The following UBE2D1 variants were observed in gnomAD, a reference collection of about 807,000 sequenced individuals.
The protein encoded by UBE2D1 is ubiquitin conjugating enzyme E2 D1.
UBE2D1 carries 9 observed loss-of-function variants against 24.6 expected under a neutral mutation model. That is an observed-to-expected ratio of 0.37 (90% confidence interval 0.22 to 0.64). UBE2D1 has a LOEUF of 0.64. UBE2D1 is among the 30% of genes least tolerant of loss of function. UBE2D1 has a pLI of 0.64. For missense variants in UBE2D1, 87 were observed against 177.1 expected (o/e 0.49, Z 2.89); for synonymous variants, 57 against 57.6 (o/e 0.99, Z 0.04).
chr10:58,368,026 T>G lies in UBE2D1; in HGVS notation c.398+10T>G. ...AATCAGACAAAGAAAAGTAAGTGTT[T>G]ACTTATTTTAGTTTCTGTATGGATA... On this transcript the variant is annotated intron_variant, in intron 6 of 6. Coordinates refer to ENST00000373910, the MANE Select transcript of UBE2D1 (RefSeq NM_003338.5). 1 of 1,588,908 alleles carries G rather than the reference T, an allele frequency of 6.3e-7. No individual in the cohort carries two copies. Among genetic ancestry groups the G allele is most frequent in the East Asian group, 2.2e-5 (1 of 44,562 alleles).
At chr10:58,354,043 G>A (rs1589000325) in intron 1 of UBE2D1, among the ~76,000 whole-genome samples, 1 of 139,536 alleles carries the variant, frequency 7.2e-6, no homozygotes, top group Non-Finnish European at 1.7e-5. Context: ...AGGAACAGAT[G>A]GGGGAAAGTT....
In UBE2D1 at chr10:58,363,598, T is replaced by C. The variant is rs1429277306; in HGVS notation, c.121-11T>C. ...TAATCAAATGCTGATGCAAATCTTT[T>C]GTAATTTCAGCCTGATAGCGCATAT... On this transcript the variant is annotated splice_polypyrimidine_tract_variant and intron_variant, in intron 3 of 6. Coordinates refer to ENST00000373910, the MANE Select transcript of UBE2D1 (RefSeq NM_003338.5). 6.3e-7 allele frequency: 1 copy of C among 1,592,578 alleles called. No homozygotes were observed. Among genetic ancestry groups the C allele is most frequent in the Admixed American group, 1.8e-5 (1 of 56,412 alleles).
intron 1 of UBE2D1, among the ~76,000 whole-genome samples, chr10:58,337,715 A>G (rs1011060339): frequency 1.3e-5 from 2 of 152,128 alleles, no homozygotes; most frequent in Non-Finnish European, 2.9e-5. Flanking sequence ...CATCACTTCT[A>G]TAAATGGAGA....
chr10:58,335,725 C>G (rs1442524036), intron 1 of UBE2D1, among the ~76,000 whole-genome samples: 1 of 152,258 alleles, frequency 6.6e-6, no homozygotes, highest in Non-Finnish European at 1.5e-5. Context: ...TTTCTCTCCT[C>G]TGCGGTTGGC....
intron 1 of UBE2D1, among the ~76,000 whole-genome samples, chr10:58,353,761 A>AT (rs927090452): frequency 1.3e-5 from 2 of 152,240 alleles, no homozygotes; most frequent in Admixed American, 6.5e-5. Flanking sequence ...GACCTGCACT[A>AT]TTCTAACACC....
At chr10:58,367,245 C>T (rs942230265) in intron 5 of UBE2D1, among the ~76,000 whole-genome samples, 1 of 151,950 alleles carries the variant, frequency 6.6e-6, no homozygotes, top group Non-Finnish European at 1.5e-5. Flanking sequence ...GCAATTGAAG[C>T]AGACAAATGA....
intron 1 of UBE2D1, 55 bp downstream of exon 1, chr10:58,335,280 G>T: frequency 1.4e-6 from 2 of 1,479,518 alleles, no homozygotes; most frequent in South Asian, 2.6e-5. Flanking sequence ...TGCCCACGCT[G>T]ACTCGGCCAG....
intron 1 of UBE2D1, among the ~76,000 whole-genome samples, chr10:58,349,146 T>C (rs1024845665): frequency 6.6e-6 from 1 of 152,238 alleles, no homozygotes; most frequent in African/African-American, 2.4e-5. Context: ...GGCTTTATTG[T>C]AAGTGCTTTT....
chr10:58,345,166 A>G (rs375632537), intron 1 of UBE2D1, among the ~76,000 whole-genome samples: 4 of 151,666 alleles, frequency 2.6e-5, no homozygotes, highest in African/African-American at 9.7e-5. Context: ...TGCCCAGCCT[A>G]TGTAATAGAT....
intron 1 of UBE2D1, among the ~76,000 whole-genome samples, chr10:58,345,697 G>A (rs547803136): frequency 6.2e-4 from 94 of 152,256 alleles, no homozygotes; most frequent in African/African-American, 2.1e-3. Context: ...GATGGGAGAG[G>A]CCAAATTTAT....
At chr10:58,346,876 A>C (rs923332440) in intron 1 of UBE2D1, among the ~76,000 whole-genome samples, 18 of 152,240 alleles carry the variant, frequency 1.2e-4, no homozygotes, top group African/African-American at 4.3e-4. Flanking sequence ...TCTAAGCTAC[A>C]GTGTTAGCAG....
chr10:58,342,303 A>G (rs1839969288), intron 1 of UBE2D1, among the ~76,000 whole-genome samples: 1 of 151,910 alleles, frequency 6.6e-6, no homozygotes, highest in Non-Finnish European at 1.5e-5. Context: ...TGTATGGCTC[A>G]TCTCTTTTAG....
chr10:58,367,490 A>G (rs189158208), intron 5 of UBE2D1, among the ~76,000 whole-genome samples: 10 of 152,274 alleles, frequency 6.6e-5, no homozygotes, highest in African/African-American at 1.9e-4. Context: ...ATTGAAAAAA[A>G]TTTTACAAAT....
chr10:58,362,050 C>T (rs1000238981), intron 3 of UBE2D1, among the ~76,000 whole-genome samples: 1 of 152,142 alleles, frequency 6.6e-6, no homozygotes, highest in Admixed American at 6.5e-5. Flanking sequence ...TTGTCCTAAA[C>T]ACAAAATTAT....
chr10:58,349,624 T>G lies in UBE2D1; in HGVS notation c.25-11714T>G, dbSNP rs186836207. 1.3e-3 allele frequency among the ~76,000 whole-genome samples: 205 copies of G among 152,332 alleles called. 1 individual carries two copies. Among genetic ancestry groups the G allele is most frequent in the African/African-American group, 4.7e-3 (194 of 41,588 alleles). On this transcript the variant is annotated intron_variant, in intron 1 of 6. Coordinates refer to ENST00000373910, the MANE Select transcript of UBE2D1 (RefSeq NM_003338.5). The stretch of plus-strand genomic sequence containing the variant: ...CCTTGCCCTTTTTTTTATGTTATCA[T>G]TATGTTATTCGTTGTGGCAAAATAC...
At chr10:58,351,458 C>T (rs538168578) in intron 1 of UBE2D1, among the ~76,000 whole-genome samples, 2 of 152,222 alleles carry the variant, frequency 1.3e-5, no homozygotes, top group South Asian at 4.1e-4. Context: ...CAAACCCACA[C>T]ATTAGCCTAG....
At chr10:58,359,858 T>G (rs1445864176) in intron 1 of UBE2D1, among the ~76,000 whole-genome samples, 1 of 152,236 alleles carries the variant, frequency 6.6e-6, no homozygotes, top group South Asian at 2.1e-4. Flanking sequence ...TCTGCACATG[T>G]AATTCATCAA....
At chr10:58,353,882 A>G (rs1344902170) in intron 1 of UBE2D1, among the ~76,000 whole-genome samples, 3 of 152,200 alleles carry the variant, frequency 2.0e-5, no homozygotes, top group African/African-American at 7.2e-5. Context: ...TGAGATATTT[A>G]TCTTCTACTG....
intron 1 of UBE2D1, among the ~76,000 whole-genome samples, chr10:58,341,394 G>A (rs540937286): frequency 6.6e-6 from 1 of 152,296 alleles, no homozygotes; most frequent in South Asian, 2.1e-4. Flanking sequence ...GAGCGAGATA[G>A]TGTTCTTTCT....
Sources: gnomAD v4.1 joint callset for allele counts (sites outside exome capture counted in the v4.1 genomes callset) on GRCh38, gnomAD v4.1.1 for gene constraint, MANE v1.5 for transcripts, NCBI Gene and HGNC (gene_info 2026-07-23, HGNC 2026-07-21) for gene names.